ABHD10: variants seen among roughly 807,000 people sequenced by gnomAD.
The protein encoded by ABHD10 is palmitoyl-protein thioesterase ABHD10, mitochondrial.
Under a neutral mutation model 33.1 loss-of-function variants are expected in ABHD10, and 22 were observed. That is an observed-to-expected ratio of 0.66 (90% CI 0.47 to 0.95). ABHD10 has a LOEUF of 0.95. ABHD10 is among the 40% of genes least tolerant of loss of function. ABHD10 has a pLI of 0.00. For synonymous variants in ABHD10, 146 were observed against 133.9 expected (o/e 1.09, Z -0.62); for missense variants, 352 against 379.9 (o/e 0.93, Z 0.61).
intron 4 of ABHD10, among the ~76,000 whole-genome samples, chr3:111,988,629 G>A (rs1167839561): frequency 2.0e-5 from 3 of 151,976 alleles, no homozygotes; most frequent in Admixed American, 6.6e-5. Context: ...TATCTCTGTT[G>A]CCCAGGCTGG....
At chr3:111,988,103 T>A (rs1050524432) in intron 4 of ABHD10, among the ~76,000 whole-genome samples, 2 of 151,092 alleles carry the variant, frequency 1.3e-5, no homozygotes, top group Non-Finnish European at 3.0e-5. Flanking sequence ...TTCAGAAATT[T>A]AAAAAAAAAG....
At chr3:111,984,159 T>C (rs2072622738) in intron 2 of ABHD10, among the ~76,000 whole-genome samples, 2 of 152,156 alleles carry the variant, frequency 1.3e-5, no homozygotes, top group South Asian at 4.1e-4. Context: ...TCCCCCTTTT[T>C]TCTTCCACCC....
At chr3:111,989,510 G>A (rs2072715501) in intron 4 of ABHD10, among the ~76,000 whole-genome samples, 1 of 152,118 alleles carries the variant, frequency 6.6e-6, no homozygotes, top group African/African-American at 2.4e-5. Context: ...GCTAGTTGGG[G>A]GCCAGGGATG....
At chr3:111,989,551 C>T (rs918197372) in intron 4 of ABHD10, among the ~76,000 whole-genome samples, 7 of 152,132 alleles carry the variant, frequency 4.6e-5, no homozygotes, top group Non-Finnish European at 1.0e-4. Context: ...AATTCAGTGT[C>T]GCCTTAATTA....
At position 111,992,121 on chromosome 3, in the gene ABHD10, A is replaced by G. The variant is rs1489088624; in HGVS notation, c.*400A>G. ...TACTTCTGATTTGAAAATGCAATTCACAAAATATAGGGAAATTTTTATTGA... is the reference window on the plus strand; with the variant it reads ...TACTTCTGATTTGAAAATGCAATTCGCAAAATATAGGGAAATTTTTATTGA... On this transcript the variant is annotated 3_prime_UTR_variant, in exon 5 of 5. Coordinates refer to ENST00000273359, the MANE Select transcript of ABHD10 (RefSeq NM_018394.4). The G allele has an allele frequency of 2.6e-5, 4 of 155,428 alleles. No individual in the cohort carries two copies. Among genetic ancestry groups the G allele is most frequent in the African/African-American group, 4.8e-5 (2 of 41,408 alleles). 9.6% of individuals were successfully genotyped at this position (155,428 alleles called of 1,614,324 possible).
At chr3:111,983,270 G>T (rs1668576662) in intron 2 of ABHD10, among the ~76,000 whole-genome samples, 1 of 152,066 alleles carries the variant, frequency 6.6e-6, no homozygotes, top group Non-Finnish European at 1.5e-5. Flanking sequence ...GTCCAAGGAG[G>T]GGGACTGTCC....
chr3:111,987,018 C>T lies in ABHD10; in HGVS notation c.543C>T (p.Thr181=), dbSNP rs372049774. ...TTGGTGTAGCTACAGCTGCAGATAC[C>T]TTAGTGACAAAGTTTAATCAGCTTC... ...ALIGVATAAD[T]LVTKFNQLPV... The change falls in exon 4 of 5, where the codon ACC becomes ACT. Residue 181 remains threonine, a synonymous_variant. Transcript: ENST00000273359. 1 of 1,612,518 alleles carries T rather than the reference C, an allele frequency of 6.2e-7. No individual in the cohort carries two copies. The highest frequency in any genetic ancestry group is 1.3e-5 in the African/African-American group (1 of 74,822).
Position 111,986,276 on chromosome 3 carries a change from A to T in ABHD10, c.339A>T (p.Ser113=). The change falls in exon 3 of 5, where the codon TCA becomes TCT. Residue 113 remains serine (S), a synonymous_variant. Coordinates refer to ENST00000273359, the MANE Select transcript of ABHD10 (RefSeq NM_018394.4). ...LGHACIRFDY[S]GVGSSDGNSE... is the part of the protein sequence containing the mutation. ...CCCCTTTTTCCAGGTTTGATTACTCAGGAGTTGGAAGTTCAGATGGTAACT... is the reference window on the plus strand; with the variant it reads ...CCCCTTTTTCCAGGTTTGATTACTCTGGAGTTGGAAGTTCAGATGGTAACT... 1 of 1,611,242 alleles carries T rather than the reference A, an allele frequency of 6.2e-7. No individual in the cohort carries two copies. Among genetic ancestry groups the T allele is most frequent in the Non-Finnish European group, 8.5e-7 (1 of 1,177,744 alleles).
chr3:111,986,046 T>A (rs894693743), intron 2 of ABHD10, among the ~76,000 whole-genome samples: 3 of 152,188 alleles, frequency 2.0e-5, no homozygotes, highest in Non-Finnish European at 2.9e-5. Context: ...AGAGACAGTG[T>A]GACTAGCAAC....
rs1174319045 is a variant in ABHD10, at chr3:111,981,837, C to T, written c.196C>T (p.Leu66=). The T allele has an allele frequency of 6.2e-7, 1 of 1,604,422 alleles. No homozygotes were observed. The highest frequency in any genetic ancestry group is 2.2e-5 in the East Asian group (1 of 44,752). The part of the protein sequence containing the change: ...SFLNRPDLPN[L]AYKKLKGKSP... The stretch of plus-strand genomic sequence containing the variant: ...CCTTAATCGACCAGACCTTCCAAAC[C>T]TGGCTTATAAGAAGCTAAAAGGCAA... Residue 66 remains leucine (L), a synonymous_variant, in exon 2 of 5, where the codon CTG becomes TTG. Transcript: ENST00000273359.
intron 4 of ABHD10, 122 bp downstream of exon 4, chr3:111,987,173 C>A: frequency 1.9e-6 from 2 of 1,079,294 alleles, no homozygotes; most frequent in East Asian, 2.7e-5. Flanking sequence ...TGTGCTGGCC[C>A]AACTTTTGTC....
Position 111,986,315 on chromosome 3 carries a change from A to T in ABHD10, c.378A>T (p.Thr126=). 1 of 1,614,116 alleles carries T rather than the reference A, an allele frequency of 6.2e-7. No individual in the cohort carries two copies. Among genetic ancestry groups the T allele is most frequent in the Non-Finnish European group, 8.5e-7 (1 of 1,179,966 alleles). ...CAGATGGTAACTCAGAGGAAAGCAC[A>T]CTGGGGAAATGGAGAAAAGATGTTC... The part of the protein sequence containing the change: ...GSSDGNSEES[T]LGKWRKDVLS... Residue 126 remains threonine (T), a synonymous_variant, in exon 3 of 5, where the codon ACA becomes ACT. Transcript: ENST00000273359.
At chr3:111,979,882 G>T (rs1559934708) in intron 1 of ABHD10, among the ~76,000 whole-genome samples, 1 of 152,184 alleles carries the variant, frequency 6.6e-6, no homozygotes, top group Non-Finnish European at 1.5e-5. Context: ...TCACGGCAGA[G>T]ATCTTTTGTA....
At chr3:111,985,164 G>T (rs1369722253) in intron 2 of ABHD10, among the ~76,000 whole-genome samples, 1 of 152,170 alleles carries the variant, frequency 6.6e-6, no homozygotes, top group African/African-American at 2.4e-5. Context: ...GCTGTTCTTG[G>T]CAGCAGAACA....
chr3:111,991,474 C>A lies in ABHD10; in HGVS notation c.674C>A (p.Ala225Asp). The change falls in exon 5 of 5, where the codon GCT (alanine) becomes GAT (aspartate). Residue 225 changes from alanine to aspartate, a missense_variant. By Grantham distance (126) the Ala-to-Asp change is moderately radical (BLOSUM62 -2). Coordinates refer to ENST00000273359, the MANE Select transcript of ABHD10 (RefSeq NM_018394.4). ...GTTCAGTACAGTTTCATTAAAGAAG[C>A]TGAACATCACTGCTTGTTACATAGC... is the stretch of plus-strand genomic sequence containing the variant. ...YNVQYSFIKEAEHHCLLHSPI... is the reference protein window; with the variant it reads ...YNVQYSFIKEDEHHCLLHSPI... 1 of 1,613,972 alleles carries A rather than the reference C, an allele frequency of 6.2e-7. No homozygotes were observed.
At chr3:111,980,105 A>C (rs1413363628) in intron 1 of ABHD10, among the ~76,000 whole-genome samples, 1 of 152,228 alleles carries the variant, frequency 6.6e-6, no homozygotes, top group Non-Finnish European at 1.5e-5. Context: ...ATGTTCAAAG[A>C]TGATTTATGA....
chr3:111,983,574 T>C (rs2072613747), intron 2 of ABHD10, among the ~76,000 whole-genome samples: 1 of 152,192 alleles, frequency 6.6e-6, no homozygotes, highest in Non-Finnish European at 1.5e-5. Flanking sequence ...TATTGTTAAC[T>C]ATTGATTGCA....
At chr3:111,990,618 A>C (rs1170238211) in intron 4 of ABHD10, 1 of 526,550 alleles carries the variant, frequency 1.9e-6, no homozygotes, top group Non-Finnish European at 3.2e-6. Context: ...AAATATACAG[A>C]TATTATTGTT....
intron 1 of ABHD10, 93 bp downstream of exon 1, chr3:111,979,296 G>A (rs1393794287): frequency 3.5e-6 from 5 of 1,411,262 alleles, no homozygotes; most frequent in Non-Finnish European, 4.7e-6. Context: ...TTTGGCGCCC[G>A]GTTCAAAAAT....
Sources: allele counts gnomAD v4.1 joint callset (sites outside exome capture counted in the v4.1 genomes callset), GRCh38; gene constraint gnomAD v4.1.1; transcripts MANE v1.5; gene names NCBI Gene and HGNC (gene_info 2026-07-23, HGNC 2026-07-21).